Variants in SRXN1 observed in about 807,000 individuals in gnomAD.
The protein encoded by SRXN1 is sulfiredoxin 1.
In SRXN1, 11 loss-of-function variants were observed where a neutral mutation model predicts 11.0. The ratio of observed to expected loss-of-function variants is 1.00; its 90% CI spans 0.63 to 1.65. The LOEUF (loss-of-function observed/expected upper bound fraction) is 1.65, where lower values mean the gene tolerates loss of function less well. Ranked by LOEUF, SRXN1 falls within the 40% of genes most tolerant of loss-of-function variation. The pLI is 0.00. For missense variants in SRXN1, 211 were observed against 194.5 expected, an observed-to-expected ratio of 1.08 and a Z score of -0.50; for synonymous variants, 106 against 92.8, an observed-to-expected ratio of 1.14 and a Z score of -0.82.
chr20:653,008 C>CG lies in SRXN1; in HGVS notation c.177dup (p.Ala60ArgfsTer32), dbSNP rs1983714967. The CG allele has an allele frequency of 6.4e-7, 1 of 1,568,646 alleles. No individual in the cohort carries two copies. Among genetic ancestry groups the CG allele is most frequent in the Admixed American group, 1.8e-5 (1 of 55,714 alleles). On this transcript the variant is annotated frameshift_variant, in exon 1 of 2. Coordinates refer to ENST00000381962, the MANE Select transcript of SRXN1 (RefSeq NM_080725.3). LOFTEE classifies it high-confidence loss of function. Reference sequence around the variant, plus strand: ...GTGTCCACGAGGCTCTGCACCTTGGCGGGGTCCAACACGGACGGCAGCGGC... The same window carrying CG: ...GTGTCCACGAGGCTCTGCACCTTGGCGGGGGTCCAACACGGACGGCAGCGGC...
chr20:653,037 A>G lies in SRXN1; in HGVS notation c.149T>C (p.Ile50Thr), dbSNP rs1219758606. ...GTCCAACACGGACGGCAGCGGCCGG[A>G]TGAGCACGCTCAGCGGCACGTTGTG... The part of the protein sequence containing the change: ...AVHNVPLSVL[I>T]RPLPSVLDPA... The change falls in exon 1 of 2, where the codon ATC becomes ACC. Residue 50 changes from isoleucine (I) to threonine (T), a missense_variant. By Grantham distance (89) the Ile-to-Thr change is moderately conservative. Coordinates refer to ENST00000381962, the MANE Select transcript of SRXN1 (RefSeq NM_080725.3). 1 of 1,569,622 alleles carries G rather than the reference A, an allele frequency of 6.4e-7. No homozygotes were observed. Among genetic ancestry groups the G allele is most frequent in the Non-Finnish European group, 8.6e-7 (1 of 1,161,642 alleles).
chr20:653,044 C>A lies in SRXN1; in HGVS notation c.142G>T (p.Val48Leu), dbSNP rs957166923. 4.5e-6 allele frequency: 7 copies of A among 1,564,380 alleles called. No homozygotes were observed. Among genetic ancestry groups the A allele is most frequent in the African/African-American group, 1.4e-5 (1 of 73,122 alleles). ...IAAVHNVPLS[V>L]LIRPLPSVLD... ...ACGGACGGCAGCGGCCGGATGAGCA[C>A]GCTCAGCGGCACGTTGTGCACCGCG... Residue 48 changes from valine (V) to leucine (L), a missense_variant, in exon 1 of 2, where the codon GTG (valine) becomes TTG (leucine). Coordinates refer to ENST00000381962, the MANE Select transcript of SRXN1 (RefSeq NM_080725.3).
rs1278988402 is a variant in SRXN1, at chr20:648,755, G to C, written c.373C>G (p.Leu125Val). Residue 125 changes from leucine (L) to valine (V), a missense_variant, in exon 2 of 2, where the codon CTA becomes GTA. Coordinates refer to ENST00000381962, the MANE Select transcript of SRXN1 (RefSeq NM_080725.3). The stretch of plus-strand genomic sequence containing the variant: ...GTGGATGCTCCCAGGTACACCCTTA[G>C]GTCTGAGAGAGTGGACTGGACAAGC... ...AKLVQSTLSD[L>V]RVYLGASTPD... 4 of 1,614,132 alleles carry C rather than the reference G, an allele frequency of 2.5e-6. No homozygotes were observed. In the Admixed American group the frequency reaches 5.0e-5, roughly 20 times the overall value.
rs1349089310 is a variant in SRXN1, at chr20:648,888, A to G, written c.240T>C (p.Asp80=). The G allele has an allele frequency of 1.9e-6, 3 of 1,614,080 alleles. No homozygotes were observed. Among genetic ancestry groups the G allele is most frequent in the African/African-American group, 2.7e-5 (2 of 74,938 alleles). The stretch of plus-strand genomic sequence containing the variant: ...CCTGGGCCCCTTTGATCCAGAGGAC[A>G]TCGATGGGGGGCACGCTGTCTGGGT... ...REDPDSVPPI[D]VLWIKGAQGG... Residue 80 remains aspartate, a synonymous_variant, in exon 2 of 2, where the codon GAT becomes GAC. Transcript: ENST00000381962.
At position 646,727 on chromosome 20, in the gene SRXN1, G is replaced by C. The variant is rs1384008617; in HGVS notation, c.*1987C>G. 2 of 151,590 alleles carry C rather than the reference G, an allele frequency of 1.3e-5. No individual in the cohort carries two copies. The highest frequency in any genetic ancestry group is 4.9e-5 in the African/African-American group (2 of 41,188). 9.4% of individuals were successfully genotyped at this position (151,590 alleles called of 1,614,324 possible). A position where few individuals can be genotyped will look rare whatever the true frequency, so the allele number is the denominator to read the frequency against. On this transcript the variant is annotated 3_prime_UTR_variant, in exon 2 of 2. Transcript: ENST00000381962. ...ATACCCTTCACCCAGCCTACCCCAA[G>C]GTCAACATCTTACATCACCATGGTA...
Position 647,820 on chromosome 20 carries a change from T to C in SRXN1, c.*894A>G. 1 of 346,638 alleles carries C rather than the reference T, an allele frequency of 2.9e-6. No homozygotes were observed. The highest frequency in any genetic ancestry group is 5.7e-6 in the Non-Finnish European group (1 of 176,424). 21.5% of individuals were successfully genotyped at this position (346,638 alleles called of 1,614,324 possible). ...CTAGCTGCCAAGTTTGGGGATGGTT[T>C]GTTACACAGCAAAAGCTAACTGGTA... is the stretch of plus-strand genomic sequence containing the variant. On this transcript the variant is annotated 3_prime_UTR_variant, in exon 2 of 2. Transcript: ENST00000381962.
At chr20:649,786 A>T (rs915058752) in intron 1 of SRXN1, among the ~76,000 whole-genome samples, 1 of 152,052 alleles carries the variant, frequency 6.6e-6, no homozygotes, top group Non-Finnish European at 1.5e-5. Context: ...GCTGCTTAAC[A>T]GCTATGTGAT....
chr20:649,891 G>A (rs1423458249), intron 1 of SRXN1, among the ~76,000 whole-genome samples: 2 of 152,194 alleles, frequency 1.3e-5, no homozygotes, highest in African/African-American at 4.8e-5. Context: ...GGTTAAATGG[G>A]TTAATATATA....
In SRXN1 at chr20:648,193, A is replaced by G. The variant is rs891011334; in HGVS notation, c.*521T>C. 2.6e-5 allele frequency: 12 copies of G among 456,194 alleles called. No homozygotes were observed. Among genetic ancestry groups the G allele is most frequent in the Non-Finnish European group, 4.8e-5 (11 of 226,986 alleles). The allele number at this position is 456,194 out of a possible 1,614,324, so 28.3% of individuals were successfully genotyped here. ...ATACAGCAGCCATCTTGGGACCATG[A>G]AGTAACGAGCACTGAGATTAAGGCA... On this transcript the variant is annotated 3_prime_UTR_variant, in exon 2 of 2. Transcript: ENST00000381962.
chr20:653,115 G>C lies in SRXN1; in HGVS notation c.71C>G (p.Pro24Arg), dbSNP rs565519823. ...AGRGAPEGPG[P>R]SGGAQGGSIH... is the part of the protein sequence containing the mutation. Reference sequence around the variant, plus strand: ...GCTGCCGCCCTGCGCGCCGCCGCTCGGCCCGGGCCCCTCGGGCGCCCCCCG... The same window carrying C: ...GCTGCCGCCCTGCGCGCCGCCGCTCCGCCCGGGCCCCTCGGGCGCCCCCCG... The change falls in exon 1 of 2, where the codon CCG becomes CGG. Residue 24 changes from proline (P) to arginine (R), a missense_variant. Coordinates refer to ENST00000381962, the MANE Select transcript of SRXN1 (RefSeq NM_080725.3). The C allele has an allele frequency of 1.1e-3, 1,422 of 1,339,528 alleles. 13 individuals are homozygous for C. In the African/African-American group the frequency reaches 0.019, roughly 18 times the overall value. 83.0% of individuals were successfully genotyped at this position (1,339,528 alleles called of 1,614,324 possible).
chr20:649,931 G>A (rs1003246647), intron 1 of SRXN1, among the ~76,000 whole-genome samples: 8 of 152,302 alleles, frequency 5.3e-5, no homozygotes, highest in South Asian at 2.1e-4. Context: ...CTTGGCACAC[G>A]GAAAGTGCTC....
At position 652,893 on chromosome 20, in the gene SRXN1, T is replaced by G. The variant is rs1983709526; in HGVS notation, c.210+83A>C. Reference sequence around the variant, plus strand: ...GGGCCCGGAACCAGTCCGTCTCGCGTCCATCGCAGCGACCTCCCTCCTCCG... The same window carrying G: ...GGGCCCGGAACCAGTCCGTCTCGCGGCCATCGCAGCGACCTCCCTCCTCCG... On this transcript the variant is annotated intron_variant, in intron 1 of 1. Transcript: ENST00000381962. The G allele has an allele frequency of 3.8e-6, 5 of 1,306,066 alleles. No homozygotes were observed. In the East Asian group the frequency reaches 1.6e-4, roughly 41 times the overall value. 80.9% of individuals were successfully genotyped at this position (1,306,066 alleles called of 1,614,324 possible). A position where few individuals can be genotyped will look rare whatever the true frequency, so the allele number is the denominator to read the frequency against.
At chr20:649,239 T>C (rs1348916737) in intron 1 of SRXN1, among the ~76,000 whole-genome samples, 2 of 152,216 alleles carry the variant, frequency 1.3e-5, no homozygotes, top group African/African-American at 4.8e-5. Context: ...AGCTGGAATG[T>C]GACTGAATCA....
In SRXN1 at chr20:653,069, G is replaced by A. The variant is rs550631480; in HGVS notation, c.117C>T (p.Ala39=). Residue 39 remains alanine (A), a synonymous_variant, in exon 1 of 2, where the codon GCC becomes GCT. Transcript: ENST00000381962. ...CGCTCAGCGGCACGTTGTGCACCGCGGCGATGCGGCCCGAGTGGATGCTGC... is the reference window on the plus strand; with the variant it reads ...CGCTCAGCGGCACGTTGTGCACCGCAGCGATGCGGCCCGAGTGGATGCTGC... ...QGGSIHSGRI[A]AVHNVPLSVL... is the part of the protein sequence containing the mutation. 13 of 1,523,372 alleles carry A rather than the reference G, an allele frequency of 8.5e-6. No homozygotes were observed. The highest frequency in any genetic ancestry group is 1.1e-5 in the Non-Finnish European group (13 of 1,139,344). 94.4% of individuals were successfully genotyped at this position (1,523,372 alleles called of 1,614,324 possible). A position where few individuals can be genotyped will look rare whatever the true frequency, so the allele number is the denominator to read the frequency against.
In SRXN1 at chr20:648,009, C is replaced by T. The variant is rs569639548; in HGVS notation, c.*705G>A. 47 of 446,154 alleles carry T rather than the reference C, an allele frequency of 1.1e-4. No individual in the cohort carries two copies. The highest frequency in any genetic ancestry group is 6.2e-4 in the African/African-American group (31 of 49,818). The allele number at this position is 446,154 out of a possible 1,614,324, so 27.6% of individuals were successfully genotyped here. ...GCTAGAGGTGCAATGGTAGCTGGCT[C>T]GGGCCAAGGGCATCTAAGTGAAGAT... On this transcript the variant is annotated 3_prime_UTR_variant, in exon 2 of 2. Transcript: ENST00000381962.
In SRXN1 at chr20:646,618, T is replaced by G. The variant is rs1228395329; in HGVS notation, c.*2096A>C. The G allele has an allele frequency of 6.6e-6, 1 of 151,680 alleles. No individual in the cohort carries two copies. The highest frequency in any genetic ancestry group is 1.5e-5 in the Non-Finnish European group (1 of 67,936). 9.4% of individuals were successfully genotyped at this position (151,680 alleles called of 1,614,324 possible). Reference sequence around the variant, plus strand: ...TAAAGGAATTGCACACCCCCCCTTTTTTTTTTTAAATTAAATAAACTTTTA... The same window carrying G: ...TAAAGGAATTGCACACCCCCCCTTTGTTTTTTTAAATTAAATAAACTTTTA... On this transcript the variant is annotated 3_prime_UTR_variant, in exon 2 of 2. Coordinates refer to ENST00000381962, the MANE Select transcript of SRXN1 (RefSeq NM_080725.3).
In SRXN1 at chr20:653,182, C is replaced by G; in HGVS notation, c.4G>C (p.Gly2Arg). The stretch of plus-strand genomic sequence containing the variant: ...CCCAGCGTTCCTCCTGCACGCAGCC[C>G]CATCGTCGCCGCCGCCGCGGGACTC... M[G>R]LRAGGTLGRA... Residue 2 changes from glycine to arginine, a missense_variant, in exon 1 of 2, where the codon GGG becomes CGG. Coordinates refer to ENST00000381962, the MANE Select transcript of SRXN1 (RefSeq NM_080725.3). 1 of 1,242,054 alleles carries G rather than the reference C, an allele frequency of 8.1e-7. No individual in the cohort carries two copies. 76.9% of individuals were successfully genotyped at this position (1,242,054 alleles called of 1,614,324 possible).
rs756664989 is a variant in SRXN1 at position 652,958 on chromosome 20, G to T, written c.210+18C>A. ...CCGAAGCCCTCCCTCCGGTTGGCTG[G>T]ACTCCCCGAGGCCTCACCCGGATCG... is the stretch of plus-strand genomic sequence containing the variant. On this transcript the variant is annotated intron_variant, in intron 1 of 1. Coordinates refer to ENST00000381962, the MANE Select transcript of SRXN1 (RefSeq NM_080725.3). 3.5e-6 allele frequency: 5 copies of T among 1,434,878 alleles called. No homozygotes were observed. Among genetic ancestry groups the T allele is most frequent in the Non-Finnish European group, 3.7e-6 (4 of 1,082,568 alleles). 88.9% of individuals were successfully genotyped at this position (1,434,878 alleles called of 1,614,324 possible).
Position 648,564 on chromosome 20 carries a change from G to T in SRXN1, c.*150C>A. 1 of 839,676 alleles carries T rather than the reference G, an allele frequency of 1.2e-6. No individual in the cohort carries two copies. The highest frequency in any genetic ancestry group is 1.9e-6 in the Non-Finnish European group (1 of 520,008). The allele number at this position is 839,676 out of a possible 1,614,324, so 52.0% of individuals were successfully genotyped here. A position where few individuals can be genotyped will look rare whatever the true frequency, so the allele number is the denominator to read the frequency against. On this transcript the variant is annotated 3_prime_UTR_variant, in exon 2 of 2. Coordinates refer to ENST00000381962, the MANE Select transcript of SRXN1 (RefSeq NM_080725.3). ...CACTGTACAGTGAGTCCAAGGCCTT[G>T]TAGCTGGTGAGAGGGGTGCCCAGAG...
Sources: allele counts gnomAD v4.1 joint callset (sites outside exome capture counted in the v4.1 genomes callset), GRCh38; gene constraint gnomAD v4.1.1; transcripts MANE v1.5; gene names NCBI Gene and HGNC (gene_info 2026-07-23, HGNC 2026-07-21).